PCDH11X: variants seen among roughly 807,000 people sequenced by gnomAD.
The protein encoded by PCDH11X is protocadherin-11 X-linked.
In PCDH11X, 18 loss-of-function variants were observed where a neutral mutation model predicts 53.3. That is an observed-to-expected ratio of 0.34 (90% CI 0.23 to 0.50). The LOEUF (loss-of-function observed/expected upper bound fraction) is 0.50. Among genes scored for constraint, PCDH11X ranks in the 20% least tolerant of loss-of-function variants. The pLI is 0.98. For missense variants in PCDH11X, 570 were observed against 1,032.4 expected, an observed-to-expected ratio of 0.55 and a Z score of 6.14; for synonymous variants, 279 against 393.3, an observed-to-expected ratio of 0.71 and a Z score of 3.44.
chrX:92,301,376 T>C (rs745681287), intron 8 of PCDH11X, among the ~76,000 whole-genome samples: 1 of 106,342 alleles, frequency 9.4e-6, no homozygotes, highest in East Asian at 3.0e-4. Context: ...AAGTCTAGAG[T>C]GTCCTGAGGA....
chrX:91,920,655 G>C (rs1941710306), intron 6 of PCDH11X, among the ~76,000 whole-genome samples: 1 of 110,969 alleles, frequency 9.0e-6, no homozygotes, highest in African/African-American at 3.3e-5. Context: ...ATGTTTTCTT[G>C]ACAATTGAGA....
intron 10 of PCDH11X, among the ~76,000 whole-genome samples, chrX:92,507,015 G>A (rs1333705488): frequency 1.8e-5 from 2 of 110,397 alleles, no homozygotes; most frequent in African/African-American, 3.3e-5. Flanking sequence ...GTTCATAATA[G>A]TCTCTGAGGG....
intron 4 of PCDH11X, among the ~76,000 whole-genome samples, chrX:91,819,661 T>A (rs2147578469): frequency 9.2e-6 from 1 of 108,629 alleles, no homozygotes; most frequent in South Asian, 3.9e-4. Context: ...TTTTTATTTT[T>A]ATTTTTATTT....
chrX:92,367,523 T>G (rs2070504504), intron 8 of PCDH11X, among the ~76,000 whole-genome samples: 1 of 111,333 alleles, frequency 9.0e-6, no homozygotes, highest in African/African-American at 3.3e-5. Flanking sequence ...TATGTGTGAA[T>G]TTGATCCTGT....
At chrX:91,810,811 G>T (rs1202364255) in intron 3 of PCDH11X, among the ~76,000 whole-genome samples, 1 of 111,604 alleles carries the variant, frequency 9.0e-6, no homozygotes, top group Non-Finnish European at 1.9e-5. Flanking sequence ...ATGGGGCTAG[G>T]ATCACACCTA....
chrX:91,779,943 C>G (rs1935070714), intron 1 of PCDH11X, among the ~76,000 whole-genome samples: 1 of 111,843 alleles, frequency 8.9e-6, no homozygotes, highest in South Asian at 3.8e-4. Context: ...GGAAAACTCT[C>G]ACTTTTGTCA....
intron 9 of PCDH11X, among the ~76,000 whole-genome samples, chrX:92,432,682 G>T (rs1460761429): frequency 9.2e-6 from 1 of 108,437 alleles, no homozygotes; most frequent in Non-Finnish European, 1.9e-5. Context: ...ATATTTATTT[G>T]TTCACATATA....
chrX:91,782,616 G>T (rs1174692574), intron 1 of PCDH11X, among the ~76,000 whole-genome samples: 5 of 107,343 alleles, frequency 4.7e-5, no homozygotes, highest in Non-Finnish European at 7.7e-5. Context: ...AACCTTAGGC[G>T]AAAGCGCAGG....
chrX:91,799,242 C>A (rs1935845825), intron 1 of PCDH11X, among the ~76,000 whole-genome samples: 1 of 110,038 alleles, frequency 9.1e-6, no homozygotes, highest in Admixed American at 9.7e-5. Context: ...TCTTTTTTTT[C>A]ACTGACATTA....
chrX:92,050,835 G>C (rs1037736542), intron 6 of PCDH11X, among the ~76,000 whole-genome samples: 1 of 108,059 alleles, frequency 9.3e-6, no homozygotes, highest in African/African-American at 3.4e-5. Flanking sequence ...TTTTGGTTCT[G>C]ATTGCACTGG....
chrX:92,308,404 G>C (rs2068875763), intron 8 of PCDH11X, among the ~76,000 whole-genome samples: 1 of 111,581 alleles, frequency 9.0e-6, no homozygotes, highest in Admixed American at 9.6e-5. Flanking sequence ...ATAGGGAAAA[G>C]ACAGTCTATT....
chrX:92,221,073 T>A (rs2066860895), intron 7 of PCDH11X, among the ~76,000 whole-genome samples: 1 of 80,141 alleles, frequency 1.2e-5, no homozygotes, highest in Admixed American at 1.5e-4. Context: ...GGGGGAGGGA[T>A]AGCATTAGGA....
rs780618900 is a variant in PCDH11X, at chrX:92,148,322, A to T, written c.3034-53053A>T. On this transcript the variant is annotated intron_variant, in intron 6 of 10. Coordinates refer to ENST00000682573, the MANE Select transcript of PCDH11X (RefSeq NM_032968.5). ...GGGCTCACTGCAACCTCTGCCTCCC[A>T]GGTTCAAGCGATTCTCCTGCCTCAG... 2.1e-3 allele frequency among the ~76,000 whole-genome samples: 206 copies of T among 99,514 alleles called. 1 individual carries two copies. The highest frequency in any genetic ancestry group is 7.1e-3 in the African/African-American group (192 of 26,925). 86.4% of individuals were successfully genotyped at this position (99,514 alleles called of 115,157 possible). A position where few individuals can be genotyped will look rare whatever the true frequency, so the allele number is the denominator to read the frequency against.
chrX:92,524,636 CT>C (rs59480486), intron 10 of PCDH11X, among the ~76,000 whole-genome samples: 65 of 104,075 alleles, frequency 6.2e-4, no homozygotes, highest in African/African-American at 2.1e-3. Context: ...TGAATTTGAC[CT>C]TTTTTTTTTC....
intron 10 of PCDH11X, among the ~76,000 whole-genome samples, chrX:92,502,131 A>C: frequency 9.0e-6 from 1 of 111,010 alleles, no homozygotes; most frequent in Admixed American, 9.6e-5. Flanking sequence ...TGTTACAAAA[A>C]GAATAAAATA....
At chrX:91,821,172 A>G (rs963849086) in intron 4 of PCDH11X, among the ~76,000 whole-genome samples, 9 of 108,872 alleles carry the variant, frequency 8.3e-5, no homozygotes, top group Non-Finnish European at 1.3e-4. Flanking sequence ...TTTTGGTTCC[A>G]TATGAACTTT....
intron 7 of PCDH11X, among the ~76,000 whole-genome samples, chrX:92,256,436 G>A (rs2067588187): frequency 8.9e-6 from 1 of 111,752 alleles, no homozygotes; most frequent in African/African-American, 3.3e-5. Context: ...GTAGACCGGA[G>A]CTGTTCCTAT....
At chrX:92,149,744 T>C (rs765324756) in intron 6 of PCDH11X, among the ~76,000 whole-genome samples, 157 of 110,981 alleles carry the variant, frequency 1.4e-3, no homozygotes, top group African/African-American at 4.9e-3. Context: ...TTGCAATACT[T>C]TCCTTCTTGC....
At chrX:91,843,891 G>T (rs1260012443) in intron 5 of PCDH11X, among the ~76,000 whole-genome samples, 3 of 111,299 alleles carry the variant, frequency 2.7e-5, no homozygotes, top group Non-Finnish European at 5.7e-5. Flanking sequence ...TCTTGTGCTA[G>T]TTGTGGTAAT....
Sources: gnomAD v4.1 joint callset for allele counts (sites outside exome capture counted in the v4.1 genomes callset) on GRCh38, gnomAD v4.1.1 for gene constraint, MANE v1.5 for transcripts, NCBI Gene and HGNC (gene_info 2026-07-23, HGNC 2026-07-21) for gene names.